Variants in RIMS1 observed in about 807,000 individuals in gnomAD.
RIMS1 encodes regulating synaptic membrane exocytosis protein 1.
Under a neutral mutation model 214.1 loss-of-function variants are expected in RIMS1, and 83 were observed. The observed-to-expected ratio is 0.39, with a 90% CI of 0.32 to 0.47. The LOEUF (loss-of-function observed/expected upper bound fraction) is 0.47. RIMS1 is among the 20% of genes least tolerant of loss of function. The pLI is 0.99. For synonymous variants in RIMS1, 793 were observed against 786.8 expected (o/e 1.01, Z -0.13); for missense variants, 2,050 against 2,161.8 (o/e 0.95, Z 1.03).
At chr6:71,983,600 C>A (rs746523342) in intron 2 of RIMS1, among the ~76,000 whole-genome samples, 1 of 152,018 alleles carries the variant, frequency 6.6e-6, no homozygotes, top group Non-Finnish European at 1.5e-5. Context: ...GATGTGGTTA[C>A]CAGAAGAGGG....
intron 4 of RIMS1, chr6:72,156,024 T>A (rs745344676): frequency 3.1e-6 from 1 of 324,380 alleles, no homozygotes; most frequent in Non-Finnish European, 6.3e-6. Context: ...TTGGTAGGAA[T>A]GTAAATTGAC....
At chr6:72,185,207 G>T (rs1430394942) in intron 6 of RIMS1, among the ~76,000 whole-genome samples, 6 of 152,126 alleles carry the variant, frequency 3.9e-5, no homozygotes, top group Admixed American at 3.3e-4. Flanking sequence ...GTACTGTATG[G>T]ACAAGATTGT....
intron 1 of RIMS1, among the ~76,000 whole-genome samples, chr6:71,939,828 A>G (rs1328179807): frequency 6.6e-6 from 1 of 152,212 alleles, no homozygotes; most frequent in African/African-American, 2.4e-5. Flanking sequence ...GAGACATTCA[A>G]ACAGTGGTTA....
intron 4 of RIMS1, among the ~76,000 whole-genome samples, chr6:72,144,772 C>G (rs1444393623): frequency 6.6e-6 from 1 of 152,130 alleles, no homozygotes; most frequent in African/African-American, 2.4e-5. Flanking sequence ...CTGGAGATCA[C>G]TGATTGGTTC....
intron 27 of RIMS1, among the ~76,000 whole-genome samples, chr6:72,309,987 T>G (rs1478665452): frequency 6.6e-6 from 1 of 152,108 alleles, no homozygotes; most frequent in African/African-American, 2.4e-5. Flanking sequence ...ACATCAAGTA[T>G]TTTATAACTA....
chr6:72,001,627 A>G (rs1805295420), intron 2 of RIMS1, among the ~76,000 whole-genome samples: 1 of 152,218 alleles, frequency 6.6e-6, no homozygotes, highest in Non-Finnish European at 1.5e-5. Context: ...GATGGGGGAA[A>G]GGCAAGCATT....
intron 4 of RIMS1, among the ~76,000 whole-genome samples, chr6:72,127,135 T>A (rs1004962825): frequency 6.6e-6 from 1 of 152,204 alleles, no homozygotes; most frequent in African/African-American, 2.4e-5. Flanking sequence ...AGAGTATTTT[T>A]CCATATATTT....
chr6:72,236,124 T>C (rs999604147), intron 8 of RIMS1, among the ~76,000 whole-genome samples: 2 of 152,162 alleles, frequency 1.3e-5, no homozygotes, highest in South Asian at 4.1e-4. Flanking sequence ...ATGAAATAAT[T>C]CTGATTACCT....
intron 2 of RIMS1, among the ~76,000 whole-genome samples, chr6:71,999,312 G>A (rs947219600): frequency 3.3e-5 from 5 of 152,066 alleles, no homozygotes; most frequent in African/African-American, 1.2e-4. Flanking sequence ...AAATACTAAT[G>A]ATGATGACGA....
chr6:72,007,496 G>C (rs1354465130), intron 2 of RIMS1, among the ~76,000 whole-genome samples: 1 of 152,214 alleles, frequency 6.6e-6, no homozygotes, highest in African/African-American at 2.4e-5. Flanking sequence ...CGAGCTGAGA[G>C]AAGAAGGCTT....
intron 29 of RIMS1, among the ~76,000 whole-genome samples, chr6:72,373,194 T>A (rs1451490616): frequency 1.3e-5 from 2 of 152,214 alleles, no homozygotes; most frequent in African/African-American, 2.4e-5. Context: ...CTAAAATGGA[T>A]CAATTTAACC....
chr6:72,181,568 T>G (rs945273968), intron 5 of RIMS1, among the ~76,000 whole-genome samples: 13 of 152,228 alleles, frequency 8.5e-5, no homozygotes. Flanking sequence ...GAATAGATAC[T>G]TTTTGTTCTG....
Position 72,011,049 on chromosome 6 carries a change from G to A in RIMS1, c.245+41986G>A, listed in dbSNP as rs141248733. 4.7e-5 allele frequency among the ~76,000 whole-genome samples: 7 copies of A among 149,278 alleles called. No homozygotes were observed. In the East Asian group the frequency reaches 9.7e-4, roughly 21 times the overall value. On this transcript the variant is annotated intron_variant, in intron 2 of 33. Coordinates refer to ENST00000521978, the MANE Select transcript of RIMS1 (RefSeq NM_014989.7). Reference sequence around the variant, plus strand: ...AATCCTTAGCCAAAAGAACAAAGCTGGAGTCTTCACACTTCCTGATTTCAG... The same window carrying A: ...AATCCTTAGCCAAAAGAACAAAGCTAGAGTCTTCACACTTCCTGATTTCAG...
intron 1 of RIMS1, among the ~76,000 whole-genome samples, chr6:71,924,110 A>T (rs981544651): frequency 6.6e-6 from 1 of 152,198 alleles, no homozygotes; most frequent in Admixed American, 6.5e-5. Context: ...CATGTTTCAC[A>T]CTTGAAGTAG....
At chr6:72,238,713 A>G (rs998382471) in intron 9 of RIMS1, among the ~76,000 whole-genome samples, 1 of 152,168 alleles carries the variant, frequency 6.6e-6, no homozygotes, top group Non-Finnish European at 1.5e-5. Context: ...CCAGACAACT[A>G]TAAAGGAAAC....
intron 2 of RIMS1, among the ~76,000 whole-genome samples, chr6:72,052,452 T>C (rs1824967642): frequency 2.0e-5 from 3 of 152,240 alleles, no homozygotes; most frequent in Admixed American, 6.5e-5. Context: ...TTTTTATCTC[T>C]GCAGGTGTAC....
At chr6:72,179,386 C>A in intron 4 of RIMS1, 189 bp from the exon 5 acceptor site, 1 of 641,414 alleles carries the variant, frequency 1.6e-6, no homozygotes, top group Non-Finnish European at 2.8e-6. Context: ...TCTCTAGTCT[C>A]AGACAAGTCC....
At chr6:72,184,824 T>G (rs531404913) in intron 6 of RIMS1, among the ~76,000 whole-genome samples, 2 of 151,946 alleles carry the variant, frequency 1.3e-5, no homozygotes, top group African/African-American at 4.8e-5. Flanking sequence ...AGCACTAGTA[T>G]TTAAGGCAGG....
intron 29 of RIMS1, among the ~76,000 whole-genome samples, chr6:72,335,473 T>C (rs1048711376): frequency 6.6e-6 from 1 of 151,982 alleles, no homozygotes; most frequent in African/African-American, 2.4e-5. Flanking sequence ...CTAGTCTCAT[T>C]GATGGGCATT....
Sources: allele counts gnomAD v4.1 joint callset (sites outside exome capture counted in the v4.1 genomes callset), GRCh38; gene constraint gnomAD v4.1.1; transcripts MANE v1.5; gene names NCBI Gene and HGNC (gene_info 2026-07-23, HGNC 2026-07-21).